Variants in SSH1 observed in about 807,000 individuals in gnomAD.
SSH1 encodes slingshot protein phosphatase 1, also known as protein phosphatase Slingshot homolog 1.
Under a neutral mutation model 79.7 loss-of-function variants are expected in SSH1, and 43 were observed. The observed-to-expected ratio is 0.54, with a 90% CI of 0.42 to 0.70. SSH1 has a LOEUF of 0.70. Ranked by LOEUF, SSH1 falls within the 30% of genes least tolerant of loss-of-function variation. The probability of loss-of-function intolerance (pLI) is 0.00; values close to 1 mark genes in which losing one functional copy is unlikely to be tolerated. For synonymous variants in SSH1, 599 were observed against 538.3 expected, an observed-to-expected ratio of 1.11 and a Z score of -1.56; for missense variants, 1,206 against 1,358.8, an observed-to-expected ratio of 0.89 and a Z score of 1.77.
chr12:108,817,477 A>G (rs2037943613), intron 4 of SSH1: 2 of 358,994 alleles, frequency 5.6e-6, no homozygotes, highest in African/African-American at 4.3e-5. Context: ...CAGGGGACTG[A>G]GGCACGAGAA....
At position 108,807,574 on chromosome 12, in the gene SSH1, G is replaced by T. The variant is rs777519736; in HGVS notation, c.731+59C>A. ...GTTCAGGGTCGGGCACAGGGCAGGT[G>T]GGGGAGAGGCAGGTGCCTGTGGGCT... On this transcript the variant is annotated intron_variant, in intron 8 of 14. Transcript: ENST00000326495. This position sits in a 1 kb window ranked among gnomAD's most constrained non-coding sequence, Gnocchi z 5.2. 18 of 1,560,206 alleles carry T rather than the reference G, an allele frequency of 1.2e-5. No individual in the cohort carries two copies. Among genetic ancestry groups the T allele is most frequent in the East Asian group, 4.5e-5 (2 of 44,342 alleles).
intron 6 of SSH1, among the ~76,000 whole-genome samples, chr12:108,810,731 T>C (rs1049869476): frequency 6.6e-6 from 1 of 152,340 alleles, no homozygotes. Flanking sequence ...CACACCTTCC[T>C]TGGGAGTGAA....
Position 108,785,670 on chromosome 12 carries a change from C to G in SSH1, c.*2318G>C, listed in dbSNP as rs2036252081. 1.3e-5 allele frequency: 2 copies of G among 151,986 alleles called. No individual in the cohort carries two copies. The highest frequency in any genetic ancestry group is 2.9e-5 in the Non-Finnish European group (2 of 68,004). 9.4% of individuals were successfully genotyped at this position (151,986 alleles called of 1,614,324 possible). A position where few individuals can be genotyped will look rare whatever the true frequency, so the allele number is the denominator to read the frequency against. On this transcript the variant is annotated 3_prime_UTR_variant, in exon 15 of 15. Transcript: ENST00000326495. ...AACTTGTACTCTCCAGATTCCACAC[C>G]CCACCCCCCAACTCTTTAGATAAGA...
chr12:108,854,836 G>A (rs1345356110), intron 1 of SSH1, among the ~76,000 whole-genome samples: 1 of 152,188 alleles, frequency 6.6e-6, no homozygotes, highest in South Asian at 2.1e-4. Context: ...GGGCGGACCA[G>A]GGCAGAACCG....
rs775318605 is a variant in SSH1, at chr12:108,788,030, G to C, written c.3108C>G (p.Ala1036=). 6.2e-7 allele frequency: 1 copy of C among 1,614,098 alleles called. No homozygotes were observed. The highest frequency in any genetic ancestry group is 1.1e-5 in the South Asian group (1 of 91,072). Residue 1036 remains alanine (A), a synonymous_variant, in exon 15 of 15, where the codon GCC becomes GCG. Transcript: ENST00000326495. ...AATSKPSGKP[A]PENLKSPSWM... Reference sequence around the variant, plus strand: ...ACGAAGGGCTCTTTAAGTTTTCTGGGGCGGGTTTCCCTGATGGTTTGGAGG... The same window carrying C: ...ACGAAGGGCTCTTTAAGTTTTCTGGCGCGGGTTTCCCTGATGGTTTGGAGG...
At chr12:108,801,421 C>T (rs1360138781) in intron 11 of SSH1, among the ~76,000 whole-genome samples, 3 of 152,084 alleles carry the variant, frequency 2.0e-5, no homozygotes, top group Non-Finnish European at 2.9e-5. Context: ...CTGTAGTTCT[C>T]TCAACTTAAT....
intron 5 of SSH1, among the ~76,000 whole-genome samples, chr12:108,814,424 C>T (rs1450901565): frequency 6.6e-6 from 1 of 151,800 alleles, no homozygotes; most frequent in African/African-American, 2.4e-5. Flanking sequence ...TACATTGCTC[C>T]CTCAGCAGGC....
chr12:108,809,438 C>T (rs1438674479), intron 7 of SSH1, among the ~76,000 whole-genome samples: 5 of 144,560 alleles, frequency 3.5e-5, no homozygotes, highest in African/African-American at 7.7e-5. Flanking sequence ...GCCTGGGTGA[C>T]GGAGCAAGAC....
chr12:108,826,269 C>A, intron 2 of SSH1: 1 of 414,450 alleles, frequency 2.4e-6, no homozygotes, highest in South Asian at 1.7e-5. Context: ...ACAAGGCCAG[C>A]TGTTCCTCCT....
intron 2 of SSH1, among the ~76,000 whole-genome samples, chr12:108,842,794 G>A (rs548268789): frequency 1.3e-5 from 2 of 152,328 alleles, no homozygotes; most frequent in South Asian, 2.1e-4. Context: ...GAGACATGGA[G>A]TATGAGGGTC....
Position 108,852,682 on chromosome 12 carries a change from CA to C in SSH1, c.70-5del. 6.2e-7 allele frequency: 1 copy of C among 1,614,142 alleles called. No homozygotes were observed. Among genetic ancestry groups the C allele is most frequent in the African/African-American group, 1.3e-5 (1 of 75,034 alleles). ...CTTCTTCGCTGCCAGCCTCCAACTA[CA>C]GAGAAAGAAAGAGAATATCACACCA... On this transcript the variant is annotated splice_polypyrimidine_tract_variant and splice_region_variant and intron_variant, in intron 1 of 14. Coordinates refer to ENST00000326495, the MANE Select transcript of SSH1 (RefSeq NM_018984.4).
At chr12:108,794,477 T>A (rs2136996744) in intron 13 of SSH1, among the ~76,000 whole-genome samples, 1 of 152,374 alleles carries the variant, frequency 6.6e-6, no homozygotes, top group East Asian at 1.9e-4. Flanking sequence ...ATCCCTGCCC[T>A]GATCCTCGTA....
chr12:108,788,310 C>T lies in SSH1; in HGVS notation c.2828G>A (p.Ser943Asn). The change falls in exon 15 of 15, where the codon AGT becomes AAT. Residue 943 changes from serine to asparagine, a missense_variant. Physicochemically the swap from Ser to Asn is conservative, Grantham distance 46. Around this residue, in one of 5 missense-constraint regions of SSH1, gnomAD observed 709 missense variants for 730.6 expected, o/e 0.97. Coordinates refer to ENST00000326495, the MANE Select transcript of SSH1 (RefSeq NM_018984.4). Reference protein sequence around the residue: ...TRSSSSDSIHSVRGKPGLVKQ... With the variant: ...TRSSSSDSIHNVRGKPGLVKQ... ...CACCAGCCCGGGCTTCCCACGGACA[C>T]TGTGGATGCTATCGCTGCTGGAGCT... 1 of 1,613,524 alleles carries T rather than the reference C, an allele frequency of 6.2e-7. No individual in the cohort carries two copies. Among genetic ancestry groups the T allele is most frequent in the Non-Finnish European group, 8.5e-7 (1 of 1,179,946 alleles).
chr12:108,840,761 G>A (rs539191526), intron 2 of SSH1, among the ~76,000 whole-genome samples: 1 of 152,248 alleles, frequency 6.6e-6, no homozygotes, highest in African/African-American at 2.4e-5. Flanking sequence ...CTAAACGGAC[G>A]CTGCTTTGTG....
chr12:108,827,019 C>T (rs1266657584), intron 2 of SSH1, among the ~76,000 whole-genome samples: 1 of 149,966 alleles, frequency 6.7e-6, no homozygotes, highest in African/African-American at 2.4e-5. Flanking sequence ...AAAAAAAAGC[C>T]GCTGCCCTCT....
intron 13 of SSH1, among the ~76,000 whole-genome samples, chr12:108,795,837 T>C (rs549116728): frequency 6.6e-6 from 1 of 152,240 alleles, no homozygotes; most frequent in African/African-American, 2.4e-5. Context: ...GGTGACAGAG[T>C]GAGACCCTGT....
At chr12:108,820,427 C>G (rs1255124993) in intron 3 of SSH1, among the ~76,000 whole-genome samples, 1 of 152,182 alleles carries the variant, frequency 6.6e-6, no homozygotes, top group Non-Finnish European at 1.5e-5. Context: ...TCTTCACCTG[C>G]CTGGGCCCTC....
intron 13 of SSH1, among the ~76,000 whole-genome samples, chr12:108,797,475 A>G (rs970476571): frequency 8.5e-5 from 13 of 152,198 alleles, no homozygotes; most frequent in African/African-American, 3.1e-4. Flanking sequence ...CTCTCTCCCA[A>G]CTGGCTCTTT....
intron 3 of SSH1, among the ~76,000 whole-genome samples, chr12:108,823,008 G>A (rs2038180667): frequency 6.6e-6 from 1 of 152,222 alleles, no homozygotes; most frequent in Non-Finnish European, 1.5e-5. Flanking sequence ...CTACAGAGAG[G>A]AAATCTTTGC....
Sources: allele counts gnomAD v4.1 joint callset (sites outside exome capture counted in the v4.1 genomes callset), GRCh38; gene constraint gnomAD v4.1.1; regional missense constraint gnomAD v4.1.1; non-coding constraint Gnocchi (gnomAD v3.1); transcripts MANE v1.5; gene names NCBI Gene and HGNC (gene_info 2026-07-23, HGNC 2026-07-21).